The following DIPK1A variants were observed in gnomAD, a reference collection of about 807,000 sequenced individuals.
DIPK1A encodes the protein family with sequence similarity 69 member A.
DIPK1A carries 27 observed loss-of-function variants against 40.8 expected under a neutral mutation model. That is an observed-to-expected ratio of 0.66 (90% CI 0.49 to 0.91). The LOEUF (loss-of-function observed/expected upper bound fraction) is 0.91, where lower values mean the gene tolerates loss of function less well. Ranked by LOEUF, DIPK1A falls within the 40% of genes least tolerant of loss-of-function variation. The probability of loss-of-function intolerance (pLI) is 0.00; values close to 1 mark genes in which losing one functional copy is unlikely to be tolerated. For missense variants in DIPK1A, 412 were observed against 505.7 expected, an observed-to-expected ratio of 0.81 and a Z score of 1.78; for synonymous variants, 166 against 171.3, an observed-to-expected ratio of 0.97 and a Z score of 0.24.
chr1:92,924,122 T>C (rs545346390), intron 1 of DIPK1A, among the ~76,000 whole-genome samples: 1 of 152,234 alleles, frequency 6.6e-6, no homozygotes, highest in Non-Finnish European at 1.5e-5. Context: ...GTATTTTTGA[T>C]GCTATTAAAA....
downstream of DIPK1A, chr1:92,840,420 G>T: frequency 1.4e-6 from 1 of 736,242 alleles, no homozygotes. Context: ...AAGTTAAAGT[G>T]TTTACCAACA....
chr1:92,867,532 G>T (rs1647612208), intron 2 of DIPK1A, among the ~76,000 whole-genome samples: 1 of 152,144 alleles, frequency 6.6e-6, no homozygotes, highest in African/African-American at 2.4e-5. Flanking sequence ...TTGAGACAGG[G>T]TCTTGCTCTG....
rs1249631239 is a variant in DIPK1A, at chr1:92,846,915, A to ACACG, written c.474+267_474+268insCGTG. Among the ~76,000 whole-genome samples the ACACG allele has an allele frequency of 4.6e-4, 33 of 71,076 alleles. 3 individuals carry two copies. Among genetic ancestry groups the ACACG allele is most frequent in the Non-Finnish European group, 8.5e-4 (29 of 34,170 alleles). The allele number at this position is 71,076 out of a possible 152,430, so 46.6% of individuals were successfully genotyped here. On this transcript the variant is annotated intron_variant, in intron 4 of 4. Transcript: ENST00000370310. ...CACGTATATATATATATACGTGTAT[A>ACACG]TATATATATATATAGCTGAGGTCTT...
intron 1 of DIPK1A, among the ~76,000 whole-genome samples, chr1:92,920,648 A>G (rs1650235385): frequency 6.6e-6 from 1 of 152,238 alleles, no homozygotes; most frequent in South Asian, 2.1e-4. Context: ...GAAGATTAAC[A>G]GATGTTTTAA....
chr1:92,925,529 T>C (rs1454268421), intron 1 of DIPK1A, among the ~76,000 whole-genome samples: 2 of 152,200 alleles, frequency 1.3e-5, no homozygotes, highest in East Asian at 3.8e-4. Flanking sequence ...AGTCTCGCGC[T>C]GCAACCCAGG....
intron 1 of DIPK1A, among the ~76,000 whole-genome samples, chr1:92,958,867 A>G (rs531699079): frequency 6.6e-6 from 1 of 152,328 alleles, no homozygotes; most frequent in South Asian, 2.1e-4. Flanking sequence ...GGAAAAATAA[A>G]TTGTTATTAA....
intron 1 of DIPK1A, among the ~76,000 whole-genome samples, chr1:92,958,134 T>C (rs910108887): frequency 2.0e-5 from 3 of 152,246 alleles, no homozygotes; most frequent in Non-Finnish European, 4.4e-5. Flanking sequence ...GAATCTCTTC[T>C]GCTATATAAG....
At chr1:92,870,391 A>C (rs1220281924) in intron 2 of DIPK1A, among the ~76,000 whole-genome samples, 1 of 152,038 alleles carries the variant, frequency 6.6e-6, no homozygotes, top group African/African-American at 2.4e-5. Context: ...ATGCCCGGCT[A>C]ATTTTTACAG....
chr1:92,845,526 A>C (rs1485288786), intron 4 of DIPK1A: 4 of 389,666 alleles, frequency 1.0e-5, no homozygotes, highest in African/African-American at 6.9e-5. Flanking sequence ...AAAAAAAAAA[A>C]AAACCGTCTC....
chr1:92,929,953 C>T (rs1423702039), intron 1 of DIPK1A, among the ~76,000 whole-genome samples: 1 of 152,190 alleles, frequency 6.6e-6, no homozygotes, highest in African/African-American at 2.4e-5. Context: ...AGCCAACAAA[C>T]GTGGTCCTGG....
At chr1:92,860,512 G>A (rs774457341) in intron 2 of DIPK1A, among the ~76,000 whole-genome samples, 4 of 151,670 alleles carry the variant, frequency 2.6e-5, no homozygotes, top group Non-Finnish European at 5.9e-5. Flanking sequence ...CTTGGGGGCC[G>A]GACACAGTGG....
At chr1:92,861,529 G>A (rs949481099) in intron 2 of DIPK1A, among the ~76,000 whole-genome samples, 2 of 151,736 alleles carry the variant, frequency 1.3e-5, no homozygotes, top group Non-Finnish European at 2.9e-5. Context: ...TTTTTGTCAT[G>A]TTGCCCAGGC....
chr1:92,956,243 T>C (rs766734232), intron 1 of DIPK1A, among the ~76,000 whole-genome samples: 1 of 152,192 alleles, frequency 6.6e-6, no homozygotes, highest in Non-Finnish European at 1.5e-5. Context: ...AGAAACACTT[T>C]TACTGTATGG....
At chr1:92,864,039 C>T (rs1239905126) in intron 2 of DIPK1A, among the ~76,000 whole-genome samples, 1 of 151,910 alleles carries the variant, frequency 6.6e-6, no homozygotes, top group African/African-American at 2.4e-5. Flanking sequence ...ATGGGTGACA[C>T]AGCGAGACTC....
At chr1:92,901,411 G>A (rs1649405916) in intron 1 of DIPK1A, among the ~76,000 whole-genome samples, 1 of 152,010 alleles carries the variant, frequency 6.6e-6, no homozygotes, top group African/African-American at 2.4e-5. Flanking sequence ...CAGGTTGGAT[G>A]TAGGCTGCCT....
At chr1:92,926,653 T>C (rs141093873) in intron 1 of DIPK1A, among the ~76,000 whole-genome samples, 314 of 152,360 alleles carry the variant, frequency 2.1e-3, no homozygotes, top group Middle Eastern at 3.4e-3. Context: ...CTTTCTTCCA[T>C]CTGTCAGTTT....
chr1:92,938,787 A>G (rs1651043445), intron 1 of DIPK1A, among the ~76,000 whole-genome samples: 1 of 152,260 alleles, frequency 6.6e-6, no homozygotes, highest in Non-Finnish European at 1.5e-5. Context: ...GGTAAATGAA[A>G]AAAATAAGGG....
At chr1:92,841,744 TA>T, downstream of DIPK1A, 2 of 1,515,222 alleles carry the variant, frequency 1.3e-6, no homozygotes, top group South Asian at 2.3e-5. Flanking sequence ...GTTTAAAAAA[TA>T]TATATTCCTA....
At chr1:92,900,219 T>C (rs1649351183) in intron 1 of DIPK1A, among the ~76,000 whole-genome samples, 1 of 152,196 alleles carries the variant, frequency 6.6e-6, no homozygotes, top group South Asian at 2.1e-4. Context: ...TTTCCCTTCT[T>C]TTCTCTTTCT....
Sources: gnomAD v4.1 joint callset for allele counts (sites outside exome capture counted in the v4.1 genomes callset) on GRCh38, gnomAD v4.1.1 for gene constraint, MANE v1.5 for transcripts, NCBI Gene and HGNC (gene_info 2026-07-23, HGNC 2026-07-21) for gene names.